The following DNAH3 variants were observed in gnomAD, a reference collection of about 807,000 sequenced individuals.
The protein encoded by DNAH3 is axonemal beta dynein heavy chain 3.
A neutral mutation model predicts 432.5 loss-of-function variants in DNAH3; 332 were observed. That is an observed-to-expected ratio of 0.77 (90% CI 0.70 to 0.84). The LOEUF (loss-of-function observed/expected upper bound fraction) is 0.84, where lower values mean the gene tolerates loss of function less well. Among genes scored for constraint, DNAH3 ranks in the 40% least tolerant of loss-of-function variants. The pLI is 0.00. For synonymous variants in DNAH3, 1,956 were observed against 1,900.2 expected (o/e 1.03, Z -0.76); for missense variants, 4,861 against 5,114.0 (o/e 0.95, Z 1.51).
At chr16:21,096,646 G>GT (rs146619382) in intron 18 of DNAH3, among the ~76,000 whole-genome samples, 6,907 of 151,372 alleles carry the variant, frequency 0.046, 220 homozygotes, top group East Asian at 0.18. Flanking sequence ...AAGTTGATGG[G>GT]TTTTTTTTTA....
chr16:21,036,687 C>T (rs1461197964), intron 35 of DNAH3, 27 bp downstream of exon 35: 1 of 1,603,896 alleles, frequency 6.2e-7, no homozygotes, highest in Non-Finnish European at 8.5e-7. Context: ...GTAAAACAGG[C>T]ACATTTATAT....
intron 15 of DNAH3, among the ~76,000 whole-genome samples, chr16:21,104,816 T>A (rs552464145): frequency 1.2e-4 from 19 of 152,302 alleles, no homozygotes; most frequent in African/African-American, 4.3e-4. Flanking sequence ...AACACAGCCA[T>A]TGAGCCTAGT....
chr16:21,081,841 C>CCT, intron 19 of DNAH3, 114 bp from the exon 20 acceptor site: 1 of 726,832 alleles, frequency 1.4e-6, no homozygotes, highest in Non-Finnish European at 2.2e-6. Flanking sequence ...ATAACAGCCA[C>CCT]GAGTGGCAGG....
rs199855032 is a variant in DNAH3, at chr16:21,036,691, T to C, written c.5085+23A>G. ...TTCAGCAAACAGTAAAACAGGCACA[T>C]TTATATGGGCTAAGGAACCAACCTG... On this transcript the variant is annotated intron_variant, in intron 35 of 61. Transcript: ENST00000261383. The C allele has an allele frequency of 2.5e-6, 4 of 1,609,240 alleles. No homozygotes were observed. In the East Asian group the frequency reaches 8.9e-5, roughly 36 times the overall value.
chr16:21,142,116 C>T (rs781377621), intron 3 of DNAH3, among the ~76,000 whole-genome samples: 4 of 152,054 alleles, frequency 2.6e-5, no homozygotes, highest in Non-Finnish European at 5.9e-5. Flanking sequence ...CCTGTAATCC[C>T]AGCACTTTGG....
At chr16:20,986,213 G>T (rs909880951) in intron 47 of DNAH3, among the ~76,000 whole-genome samples, 2 of 150,528 alleles carry the variant, frequency 1.3e-5, no homozygotes, top group Admixed American at 6.6e-5. Flanking sequence ...AGACTATAAT[G>T]AAAGAACATT....
chr16:21,158,078 A>G (rs1177167522), intron 1 of DNAH3, among the ~76,000 whole-genome samples: 4 of 152,192 alleles, frequency 2.6e-5, no homozygotes, highest in Non-Finnish European at 4.4e-5. Flanking sequence ...GCCAGGGGAA[A>G]CAGGGGCTCC....
chr16:21,123,005 C>T (rs1418735548), intron 9 of DNAH3, among the ~76,000 whole-genome samples: 1 of 152,022 alleles, frequency 6.6e-6, no homozygotes, highest in Non-Finnish European at 1.5e-5. Context: ...CTCAACTTGT[C>T]TATTCTAAAG....
In DNAH3 at chr16:21,004,453, C is replaced by T. The variant is rs141606177; in HGVS notation, c.6023-1246G>A. On this transcript the variant is annotated intron_variant, in intron 41 of 61. Coordinates refer to ENST00000261383, the Ensembl canonical transcript of DNAH3. Reference sequence around the variant, plus strand: ...CATGATCTCGGCTCACTGCAACCTCCGCCTCCCGAGTTCAAGCAATTCTCC... The same window carrying T: ...CATGATCTCGGCTCACTGCAACCTCTGCCTCCCGAGTTCAAGCAATTCTCC... Among the ~76,000 whole-genome samples the T allele has an allele frequency of 4.8e-3, 729 of 152,094 alleles. 4 individuals carry two copies. Among genetic ancestry groups the T allele is most frequent in the Non-Finnish European group, 7.0e-3 (478 of 67,986 alleles).
chr16:20,935,843 CAAA>C (rs61499842), intron 60 of DNAH3, among the ~76,000 whole-genome samples: 2 of 56,002 alleles, frequency 3.6e-5, no homozygotes. Context: ...AACTTCATCT[CAAA>C]AAAAAAAAAA....
At chr16:20,963,103 G>A (rs571909059) in intron 53 of DNAH3, among the ~76,000 whole-genome samples, 181 bp downstream of exon 53, 21 of 152,306 alleles carry the variant, frequency 1.4e-4, no homozygotes, top group South Asian at 4.2e-4. Context: ...TTGTGGATGC[G>A]GAGTAGCAGC....
At chr16:20,989,703 G>A (rs2086444180) in intron 44 of DNAH3, among the ~76,000 whole-genome samples, 1 of 152,256 alleles carries the variant, frequency 6.6e-6, no homozygotes. Flanking sequence ...GGTGGTGCTC[G>A]TCGGGGAGGC....
intron 41 of DNAH3, among the ~76,000 whole-genome samples, chr16:21,015,702 T>A (rs1310089954): frequency 6.6e-6 from 1 of 152,230 alleles, no homozygotes; most frequent in Non-Finnish European, 1.5e-5. Context: ...CATTTTTCTA[T>A]AAATTTAAGA....
intron 41 of DNAH3, among the ~76,000 whole-genome samples, chr16:21,011,651 G>A (rs778666823): frequency 2.4e-4 from 37 of 152,038 alleles, no homozygotes; most frequent in Non-Finnish European, 4.7e-4. Flanking sequence ...GCGAGCCACC[G>A]TGCCAGGCTG....
exon 53 of DNAH3, chr16:20,964,852 G>A: frequency 6.2e-7 from 1 of 1,614,080 alleles, no homozygotes; most frequent in African/African-American, 1.3e-5. Context: ...CACTGTAAAA[G>A]CGCCCAGGTA....
At chr16:20,992,960 G>A (rs776328890) in intron 44 of DNAH3, among the ~76,000 whole-genome samples, 101 of 152,146 alleles carry the variant, frequency 6.6e-4, no homozygotes, top group Non-Finnish European at 1.1e-3. Flanking sequence ...TTACCACCCA[G>A]GTTCAAGCAA....
intron 9 of DNAH3, among the ~76,000 whole-genome samples, chr16:21,122,440 C>CT (rs1275042394): frequency 6.6e-6 from 1 of 152,040 alleles, no homozygotes; most frequent in Non-Finnish European, 1.5e-5. Flanking sequence ...GCTTGTAATC[C>CT]TAGCTACTTG....
intron 31 of DNAH3, among the ~76,000 whole-genome samples, chr16:21,048,093 G>A (rs867354848): frequency 4.6e-5 from 7 of 152,240 alleles, no homozygotes; most frequent in Non-Finnish European, 8.8e-5. Flanking sequence ...GTCAGACAGG[G>A]ACATTTAAGT....
intron 41 of DNAH3, among the ~76,000 whole-genome samples, chr16:21,017,116 C>T (rs1218940754): frequency 2.0e-5 from 3 of 152,162 alleles, no homozygotes; most frequent in Non-Finnish European, 4.4e-5. Context: ...ATGTACTTAA[C>T]ACCACTGATT....
Sources: gnomAD v4.1 joint callset for allele counts (sites outside exome capture counted in the v4.1 genomes callset) on GRCh38, gnomAD v4.1.1 for gene constraint, MANE v1.5 for transcripts, NCBI Gene and HGNC (gene_info 2026-07-23, HGNC 2026-07-21) for gene names.